TSHZ2: variants seen among roughly 807,000 people sequenced by gnomAD.
The protein encoded by TSHZ2 is teashirt zinc finger homeobox 2.
Under a neutral mutation model 74.4 loss-of-function variants are expected in TSHZ2, and 21 were observed. The ratio of observed to expected loss-of-function variants is 0.28; its 90% confidence interval spans 0.20 to 0.41. The LOEUF is 0.41. TSHZ2 is among the 10% of genes least tolerant of loss of function. The pLI is 1.00. For missense variants in TSHZ2, 1,244 were observed against 1,293.5 expected (o/e 0.96, Z 0.59); for synonymous variants, 540 against 515.3 (o/e 1.05, Z -0.65).
chr20:53,119,186 G>A (rs1388855855), intron 1 of TSHZ2, among the ~76,000 whole-genome samples: 3 of 152,114 alleles, frequency 2.0e-5, no homozygotes, highest in South Asian at 2.1e-4. Flanking sequence ...GGTATTCATC[G>A]AGTCTCCTGC....
At chr20:53,137,408 G>T (rs1402136940) in intron 1 of TSHZ2, among the ~76,000 whole-genome samples, 3 of 149,524 alleles carry the variant, frequency 2.0e-5, no homozygotes, top group Admixed American at 1.4e-4. Context: ...TTACATAACT[G>T]TTCGTTAGGC....
intron 1 of TSHZ2, among the ~76,000 whole-genome samples, chr20:53,073,928 G>T (rs1007738618): frequency 7.9e-5 from 12 of 152,152 alleles, no homozygotes; most frequent in African/African-American, 2.7e-4. Flanking sequence ...TTTGTTTCAG[G>T]ATTTCTTGGG....
At chr20:53,029,853 GA>G (rs1237743416) in intron 1 of TSHZ2, among the ~76,000 whole-genome samples, 1 of 128,190 alleles carries the variant, frequency 7.8e-6, no homozygotes, top group East Asian at 2.4e-4. Flanking sequence ...TAGAAATTTG[GA>G]GTTTTTTTGA....
At position 53,436,539 on chromosome 20, in the gene TSHZ2, A is replaced by ATTTTT. The variant is rs1368192791; in HGVS notation, c.*9-50603_*9-50602insTTTTT. Among the ~76,000 whole-genome samples the ATTTTT allele has an allele frequency of 2.2e-3, 194 of 89,950 alleles. 1 individual carries two copies. The highest frequency in any genetic ancestry group is 4.5e-3 in the East Asian group (11 of 2,466). 59.0% of individuals were successfully genotyped at this position (89,950 alleles called of 152,430 possible). ...ATTTTATTTATTTATTATTATTATT[A>ATTTTT]TTATTATTATTTTTTTTTTTTTTTT... On this transcript the variant is annotated intron_variant, in intron 2 of 2. Coordinates refer to ENST00000371497, the MANE Select transcript of TSHZ2 (RefSeq NM_173485.6).
At chr20:53,444,897 T>C (rs1241831851) in intron 2 of TSHZ2, among the ~76,000 whole-genome samples, 2 of 152,220 alleles carry the variant, frequency 1.3e-5, no homozygotes, top group African/African-American at 2.4e-5. Flanking sequence ...CTTTTTCTAT[T>C]CTAAATCACT....
chr20:53,459,015 G>A (rs888333056), intron 2 of TSHZ2, among the ~76,000 whole-genome samples: 40 of 152,054 alleles, frequency 2.6e-4, no homozygotes, highest in East Asian at 1.9e-4. Context: ...GGTGTGGTGC[G>A]GTGCTGAAAA....
At chr20:53,216,355 T>A (rs1199470944) in intron 1 of TSHZ2, among the ~76,000 whole-genome samples, 1 of 152,122 alleles carries the variant, frequency 6.6e-6, no homozygotes, top group Non-Finnish European at 1.5e-5. Context: ...CAGGTAAAGC[T>A]GGAGTGAGGA....
At chr20:53,211,509 TAAAAA>T (rs5841934) in intron 1 of TSHZ2, among the ~76,000 whole-genome samples, 1 of 141,036 alleles carries the variant, frequency 7.1e-6, no homozygotes, top group Non-Finnish European at 1.6e-5. Flanking sequence ...TTGCCTGAAA[TAAAAA>T]AAAAAAAGTA....
chr20:53,337,648 C>T (rs962520723), intron 2 of TSHZ2, among the ~76,000 whole-genome samples: 1 of 152,142 alleles, frequency 6.6e-6, no homozygotes, highest in African/African-American at 2.4e-5. Context: ...GCTGAACAAC[C>T]ACGTGTGGCT....
At chr20:53,473,417 G>T (rs1034838427) in intron 2 of TSHZ2, among the ~76,000 whole-genome samples, 3 of 140,562 alleles carry the variant, frequency 2.1e-5, no homozygotes, top group African/African-American at 8.3e-5. Context: ...CACACGGCAG[G>T]GTATTCCAAC....
chr20:53,454,691 G>T (rs1194978404), intron 2 of TSHZ2, among the ~76,000 whole-genome samples: 2 of 152,100 alleles, frequency 1.3e-5, no homozygotes, highest in South Asian at 2.1e-4. Context: ...TCTCAAAGTA[G>T]CCCCATCAGA....
At chr20:53,378,106 C>T (rs891669876) in intron 2 of TSHZ2, among the ~76,000 whole-genome samples, 5 of 152,018 alleles carry the variant, frequency 3.3e-5, no homozygotes, top group Admixed American at 6.6e-5. Flanking sequence ...TTCGGGAGGC[C>T]GAGGCGGGCG....
intron 1 of TSHZ2, among the ~76,000 whole-genome samples, chr20:53,248,563 T>C (rs1470516415): frequency 6.6e-6 from 1 of 152,236 alleles, no homozygotes; most frequent in East Asian, 1.9e-4. Context: ...TGTCTGCTAA[T>C]ACATATGTAA....
At chr20:53,186,991 C>A (rs564379815) in intron 1 of TSHZ2, among the ~76,000 whole-genome samples, 22 of 152,092 alleles carry the variant, frequency 1.4e-4, no homozygotes, top group Middle Eastern at 3.4e-3. Flanking sequence ...TTTCATGGAG[C>A]CTGGTAGTTC....
chr20:53,315,096 G>A (rs1978946952), intron 2 of TSHZ2, among the ~76,000 whole-genome samples: 3 of 152,186 alleles, frequency 2.0e-5, no homozygotes, highest in Non-Finnish European at 4.4e-5. Flanking sequence ...CTTCTTGATG[G>A]GTGCAGTTCC....
At chr20:53,329,372 C>T (rs1275918005) in intron 2 of TSHZ2, among the ~76,000 whole-genome samples, 1 of 152,154 alleles carries the variant, frequency 6.6e-6, no homozygotes, top group Admixed American at 6.5e-5. Flanking sequence ...TCTTTGCTTC[C>T]TACAAAGCAG....
intron 1 of TSHZ2, among the ~76,000 whole-genome samples, chr20:53,001,935 T>C (rs1433326915): frequency 2.0e-5 from 3 of 152,208 alleles, no homozygotes; most frequent in African/African-American, 7.2e-5. Flanking sequence ...AACATCATTG[T>C]GACCTTTTTA....
chr20:53,040,437 A>T (rs1291340379), intron 1 of TSHZ2, among the ~76,000 whole-genome samples: 1 of 152,086 alleles, frequency 6.6e-6, no homozygotes, highest in African/African-American at 2.4e-5. Context: ...GTCAAATGCA[A>T]TGGGAGCCAT....
intron 1 of TSHZ2, among the ~76,000 whole-genome samples, chr20:53,001,222 G>GTGTGTATGTGTGTGTGTGTGTGTGTA (rs1982413548): frequency 2.8e-4 from 42 of 147,374 alleles, no homozygotes; most frequent in African/African-American, 1.0e-3. Flanking sequence ...GTGTGTGTGT[G>GTGTGTATGTGTGTGTGTGTGTGTGTA]TGTGTGTGTG....
Sources: gnomAD v4.1 joint callset for allele counts (sites outside exome capture counted in the v4.1 genomes callset) on GRCh38, gnomAD v4.1.1 for gene constraint, MANE v1.5 for transcripts, NCBI Gene and HGNC (gene_info 2026-07-23, HGNC 2026-07-21) for gene names.